The following FAM228B variants were observed in gnomAD, a reference collection of about 807,000 sequenced individuals.
FAM228B encodes the protein family with sequence similarity 228 member B, also known as protein FAM228B.
A neutral mutation model predicts 42.6 loss-of-function variants in FAM228B; 38 were observed. The ratio of observed to expected loss-of-function variants is 0.89; its 90% CI spans 0.69 to 1.17. The LOEUF (loss-of-function observed/expected upper bound fraction) is 1.17, where lower values mean the gene tolerates loss of function less well. Among genes scored for constraint, FAM228B ranks in the 50% most tolerant of loss-of-function variants. The pLI, the probability that FAM228B is intolerant of heterozygous loss-of-function variation, is 0.00. For missense variants in FAM228B, 344 were observed against 367.3 expected, an observed-to-expected ratio of 0.94 and a Z score of 0.52; for synonymous variants, 109 against 122.3, an observed-to-expected ratio of 0.89 and a Z score of 0.72.
chr2:24,159,652 G>C (rs1667243315), intron 7 of FAM228B, among the ~76,000 whole-genome samples: 1 of 152,228 alleles, frequency 6.6e-6, no homozygotes, highest in Non-Finnish European at 1.5e-5. Context: ...CAGCTACAAA[G>C]AGGAAGGAAT....
chr2:24,124,993 C>T (rs1489256268), intron 2 of FAM228B, among the ~76,000 whole-genome samples: 1 of 152,194 alleles, frequency 6.6e-6, no homozygotes, highest in Non-Finnish European at 1.5e-5. Flanking sequence ...TGAGCCCTTG[C>T]GCCCAGCCAG....
intron 5 of FAM228B, among the ~76,000 whole-genome samples, chr2:24,141,410 A>AT (rs981556551): frequency 6.6e-6 from 1 of 152,038 alleles, no homozygotes; most frequent in African/African-American, 2.4e-5. Flanking sequence ...CGCCTGGCTA[A>AT]TTTTTTTGTA....
upstream of FAM228B, chr2:24,119,831 G>A (rs1292128866): frequency 1.7e-6 from 1 of 596,894 alleles, no homozygotes; most frequent in East Asian, 2.9e-5. Context: ...TTTTCCATAT[G>A]TTTATATATC....
intron 3 of FAM228B, chr2:24,097,115 C>G (rs1477712187): frequency 6.6e-6 from 1 of 152,028 alleles, no homozygotes; most frequent in Non-Finnish European, 1.5e-5. Flanking sequence ...TACGAGAGCT[C>G]CTAAAGGAAG....
chr2:24,146,864 T>C (rs1282276905), intron 6 of FAM228B, 29 bp downstream of exon 6: 1 of 1,537,424 alleles, frequency 6.5e-7, no homozygotes, highest in Non-Finnish European at 8.8e-7. Context: ...TTATGTGATT[T>C]CATAGCCCAA....
intron 2 of FAM228B, among the ~76,000 whole-genome samples, chr2:24,082,703 C>G (rs1665057869): frequency 1.3e-5 from 2 of 152,184 alleles, no homozygotes; most frequent in African/African-American, 4.8e-5. Context: ...TCCAGACCCT[C>G]TATCTGCTAA....
intron 7 of FAM228B, among the ~76,000 whole-genome samples, chr2:24,155,504 C>CATATATATAT (rs1156603467): frequency 5.6e-5 from 2 of 35,896 alleles, no homozygotes; most frequent in African/African-American, 2.0e-4. Flanking sequence ...GAAGACCATG[C>CATATATATAT]ATATATATAT....
intron 3 of FAM228B, among the ~76,000 whole-genome samples, chr2:24,117,925 T>C (rs1665978205): frequency 6.6e-6 from 1 of 152,236 alleles, no homozygotes. Context: ...TAGCTGTCCC[T>C]TCCCAGAGCA....
At chr2:24,102,944 C>G (rs552854486) in intron 3 of FAM228B, among the ~76,000 whole-genome samples, 1 of 152,258 alleles carries the variant, frequency 6.6e-6, no homozygotes, top group African/African-American at 2.4e-5. Context: ...TGCCTTGTAA[C>G]AATCATTTTG....
At chr2:24,146,687 A>C in intron 5 of FAM228B, 61 bp from the exon 6 acceptor site, 4 of 1,168,966 alleles carry the variant, frequency 3.4e-6, no homozygotes, top group Non-Finnish European at 4.9e-6. Context: ...CTTAGAATAG[A>C]CTGAAAATGT....
At chr2:24,134,326 T>A (rs964974934) in intron 2 of FAM228B, among the ~76,000 whole-genome samples, 3 of 152,222 alleles carry the variant, frequency 2.0e-5, no homozygotes, top group African/African-American at 7.2e-5. Context: ...TGTATTATTG[T>A]TCACTAGTGA....
chr2:24,121,823 G>C (rs1206433788), upstream of FAM228B, among the ~76,000 whole-genome samples: 1 of 152,192 alleles, frequency 6.6e-6, no homozygotes, highest in East Asian at 1.9e-4. Flanking sequence ...TGTGATCTCT[G>C]CACATGCTGG....
chr2:24,160,364 A>G (rs1667258752), intron 7 of FAM228B, among the ~76,000 whole-genome samples: 1 of 152,140 alleles, frequency 6.6e-6, no homozygotes. Context: ...TCATCAGTTC[A>G]GAAAAATATA....
chr2:24,122,390 G>A (rs202001500), upstream of FAM228B: 676 of 1,451,766 alleles, frequency 4.7e-4, no homozygotes, highest in Non-Finnish European at 6.2e-4. Flanking sequence ...AGTAAATCAA[G>A]TCTTAGGTCC....
Position 24,084,292 on chromosome 2 carries a change from G to A in FAM228B, c.-210+3337G>A. 6.2e-7 allele frequency: 1 copy of A among 1,614,088 alleles called. No homozygotes were observed. Among genetic ancestry groups the A allele is most frequent in the East Asian group, 2.2e-5 (1 of 44,872 alleles). Reference sequence around the variant, plus strand: ...CACCTCCTTCACGTAGAGGTTTTCCGGTCCTCCCGGCTTGTCAAAGTGCAC... The same window carrying A: ...CACCTCCTTCACGTAGAGGTTTTCCAGTCCTCCCGGCTTGTCAAAGTGCAC... On this transcript the variant is annotated intron_variant, in intron 2 of 10. Transcript: ENST00000613899. This position sits in a 1 kb window ranked among gnomAD's most constrained non-coding sequence, Gnocchi z 8.4.
rs545752035 is a variant in FAM228B, at chr2:24,155,437, G to A, written c.687-6069G>A. Among the ~76,000 whole-genome samples, 3 of 146,044 alleles carry A rather than the reference G, an allele frequency of 2.1e-5. No individual in the cohort carries two copies. The East Asian group carries it at 6.0e-4, about 29-fold the overall frequency. Reference sequence around the variant, plus strand: ...TGCGGGTGACTGGCTTCTTCTATGAGCCCTTTTACTGAATCTTAGTCTTTA... The same window carrying A: ...TGCGGGTGACTGGCTTCTTCTATGAACCCTTTTACTGAATCTTAGTCTTTA... On this transcript the variant is annotated intron_variant, in intron 7 of 10. Transcript: ENST00000615575.
rs931793199 is a variant in FAM228B, at chr2:24,135,107, C to A, written c.100-12C>A. The A allele has an allele frequency of 6.6e-5, 96 of 1,457,028 alleles. No homozygotes were observed. Among genetic ancestry groups the A allele is most frequent in the Non-Finnish European group, 8.6e-5 (92 of 1,072,940 alleles). 90.3% of individuals were successfully genotyped at this position (1,457,028 alleles called of 1,614,324 possible). A position where few individuals can be genotyped will look rare whatever the true frequency, so the allele number is the denominator to read the frequency against. ...AAGATTTTCTTTTCAAAGTTTAATTCTGTCCTTTCAGGTTTTAGCTAAAGA... is the reference window on the plus strand; with the variant it reads ...AAGATTTTCTTTTCAAAGTTTAATTATGTCCTTTCAGGTTTTAGCTAAAGA... On this transcript the variant is annotated splice_polypyrimidine_tract_variant and intron_variant, in intron 2 of 10. Coordinates refer to ENST00000615575, the MANE Select transcript of FAM228B (RefSeq NM_001145710.2).
intron 3 of FAM228B, among the ~76,000 whole-genome samples, chr2:24,115,830 A>G (rs1235371637): frequency 6.6e-6 from 1 of 151,350 alleles, no homozygotes; most frequent in Non-Finnish European, 1.5e-5. Context: ...ACACACAAAC[A>G]TCAATTCTAT....
intron 2 of FAM228B, among the ~76,000 whole-genome samples, chr2:24,090,351 G>C (rs937371066): frequency 2.0e-5 from 3 of 151,992 alleles, no homozygotes; most frequent in Non-Finnish European, 4.4e-5. Flanking sequence ...AGAGGCCAAG[G>C]GGGGAGCAGA....
Sources: gnomAD v4.1 joint callset for allele counts (sites outside exome capture counted in the v4.1 genomes callset) on GRCh38, gnomAD v4.1.1 for gene constraint, Gnocchi (gnomAD v3.1) non-coding constraint, MANE v1.5 for transcripts, NCBI Gene and HGNC (gene_info 2026-07-23, HGNC 2026-07-21) for gene names.